PPP1R1C: variants seen among roughly 807,000 people sequenced by gnomAD.
PPP1R1C encodes protein phosphatase 1 regulatory inhibitor subunit 1C.
In PPP1R1C, 15 loss-of-function variants were observed where a neutral mutation model predicts 17.4. The observed-to-expected ratio is 0.86, with a 90% CI of 0.58 to 1.33. PPP1R1C has a LOEUF of 1.33. Ranked by LOEUF, PPP1R1C falls within the 40% of genes most tolerant of loss-of-function variation. The pLI is 0.00. For missense variants in PPP1R1C, 143 were observed against 130.0 expected (o/e 1.10, Z -0.48); for synonymous variants, 35 against 43.1 (o/e 0.81, Z 0.73).
rs780789594 is a variant in PPP1R1C at position 181,961,015 on chromosome 2, G to A, written n.111+6381G>A. The stretch of plus-strand genomic sequence containing the variant: ...TTTTGAGTGATTCTTGGAAGGTAAA[G>A]GGCAGATAAAATCACTTTGCTGGAG... On this transcript the variant is annotated intron_variant and non_coding_transcript_variant, in intron 1 of 5. Transcript: ENST00000464264. This position sits in a 1 kb window ranked among gnomAD's most constrained non-coding sequence, Gnocchi z 5.8. Among the ~76,000 whole-genome samples the A allele has an allele frequency of 6.6e-6, 1 of 152,134 alleles. No homozygotes were observed. The highest frequency in any genetic ancestry group is 1.5e-5 in the Non-Finnish European group (1 of 68,026).
At chr2:182,054,285 T>C (rs1687617543) in intron 2 of PPP1R1C, among the ~76,000 whole-genome samples, 1 of 152,196 alleles carries the variant, frequency 6.6e-6, no homozygotes, top group Non-Finnish European at 1.5e-5. Context: ...TATAGTACAA[T>C]AACAAAACCA....
chr2:181,999,718 A>G (rs1250370406), intron 2 of PPP1R1C, among the ~76,000 whole-genome samples: 1 of 151,406 alleles, frequency 6.6e-6, no homozygotes, highest in African/African-American at 2.4e-5. Context: ...TTTTGTATTT[A>G]TTAGTTAAGA....
intron 4 of PPP1R1C, among the ~76,000 whole-genome samples, chr2:182,116,121 GA>G (rs1343257069): frequency 1.3e-5 from 2 of 151,932 alleles, no homozygotes; most frequent in South Asian, 4.1e-4. Context: ...AAATAATTTT[GA>G]AAAAAATCTA....
chr2:182,128,763 T>G (rs1289354787), intron 5 of PPP1R1C, among the ~76,000 whole-genome samples: 2 of 152,112 alleles, frequency 1.3e-5, no homozygotes, highest in African/African-American at 4.8e-5. Flanking sequence ...TTTTGCTTGT[T>G]GTTTGTTTTT....
At chr2:182,026,528 G>A (rs1216229576) in intron 2 of PPP1R1C, among the ~76,000 whole-genome samples, 1 of 147,808 alleles carries the variant, frequency 6.8e-6, no homozygotes, top group East Asian at 2.1e-4. Flanking sequence ...GTAGATATGC[G>A]GCGTTATTTC....
chr2:182,110,825 G>GA (rs941283380), intron 4 of PPP1R1C, among the ~76,000 whole-genome samples: 2 of 152,186 alleles, frequency 1.3e-5, no homozygotes, highest in Non-Finnish European at 2.9e-5. Flanking sequence ...TTTCTAAAGT[G>GA]AAATTGCCTA....
chr2:182,113,537 G>A (rs958425193), intron 4 of PPP1R1C, among the ~76,000 whole-genome samples: 8 of 152,072 alleles, frequency 5.3e-5, no homozygotes, highest in East Asian at 1.9e-4. Context: ...TCCCTTTCTC[G>A]TACTGCCAAC....
intron 1 of PPP1R1C, among the ~76,000 whole-genome samples, chr2:181,971,684 T>C (rs1382678334): frequency 6.6e-6 from 1 of 152,158 alleles, no homozygotes; most frequent in Admixed American, 6.5e-5. Context: ...TTCAGGTTTA[T>C]TTAGGGCCCC....
intron 4 of PPP1R1C, among the ~76,000 whole-genome samples, chr2:182,077,222 CTGTT>C (rs1163613135): frequency 4.7e-5 from 7 of 149,672 alleles, no homozygotes; most frequent in Admixed American, 2.6e-4. Flanking sequence ...CTACATTAAA[CTGTT>C]TGTTTTAAAG....
At chr2:182,092,021 G>A (rs1688795779) in intron 4 of PPP1R1C, among the ~76,000 whole-genome samples, 1 of 152,178 alleles carries the variant, frequency 6.6e-6, no homozygotes, top group Admixed American at 6.5e-5. Context: ...AAAATGTAGG[G>A]ATGAGTCTGA....
intron 4 of PPP1R1C, among the ~76,000 whole-genome samples, chr2:182,098,502 A>C (rs1689009277): frequency 6.6e-6 from 1 of 152,188 alleles, no homozygotes; most frequent in African/African-American, 2.4e-5. Flanking sequence ...AATATCTAAA[A>C]TAAGTAAGAG....
chr2:181,989,498 T>A (rs1314990996), intron 2 of PPP1R1C, among the ~76,000 whole-genome samples: 1 of 152,178 alleles, frequency 6.6e-6, no homozygotes, highest in Admixed American at 6.5e-5. Flanking sequence ...CAGTTTGCAC[T>A]ACATGGTGAA....
At chr2:182,074,051 T>TTG in intron 4 of PPP1R1C, among the ~76,000 whole-genome samples, 1 of 150,836 alleles carries the variant, frequency 6.6e-6, no homozygotes, top group African/African-American at 2.4e-5. Context: ...CTTTTTTTTT[T>TTG]TTTTTTTTGA....
At chr2:182,039,154 A>G (rs921612730) in intron 2 of PPP1R1C, among the ~76,000 whole-genome samples, 3 of 152,228 alleles carry the variant, frequency 2.0e-5, no homozygotes, top group Non-Finnish European at 4.4e-5. Context: ...CTTCTTTTCT[A>G]TGGTTGCTGT....
Position 182,060,473 on chromosome 2 carries a change from A to G in PPP1R1C, c.143-969A>G, listed in dbSNP as rs1170016660. Among the ~76,000 whole-genome samples the G allele has an allele frequency of 2.0e-5, 3 of 152,248 alleles. No individual in the cohort carries two copies. The East Asian group carries it at 5.8e-4, about 29-fold the overall frequency. On this transcript the variant is annotated intron_variant, in intron 2 of 4. Transcript: ENST00000682840. The stretch of plus-strand genomic sequence containing the variant: ...GCAGTACAGATAGGGATAAAACAGA[A>G]TGTGTTATTCAATCACCCCAGGATA...
At chr2:182,083,337 G>GC (rs549946466) in intron 4 of PPP1R1C, among the ~76,000 whole-genome samples, 172 of 152,264 alleles carry the variant, frequency 1.1e-3, no homozygotes, top group Non-Finnish European at 1.9e-3. Flanking sequence ...CTGAAATTGT[G>GC]ATGCTGCCAT....
At chr2:182,091,972 A>G (rs1468823089) in intron 4 of PPP1R1C, among the ~76,000 whole-genome samples, 1 of 152,130 alleles carries the variant, frequency 6.6e-6, no homozygotes, top group Non-Finnish European at 1.5e-5. Flanking sequence ...CTCAATAATT[A>G]TGTGTTAAAT....
At chr2:181,985,716 G>T (rs1224720872), upstream of PPP1R1C, among the ~76,000 whole-genome samples, 1 of 152,134 alleles carries the variant, frequency 6.6e-6, no homozygotes, top group Admixed American at 6.6e-5. This position sits in a 1 kb window ranked among gnomAD's most constrained non-coding sequence, Gnocchi z 4.1. Context: ...TGAGCAGCCG[G>T]TTAGTAATGT....
intron 4 of PPP1R1C, among the ~76,000 whole-genome samples, chr2:182,116,647 C>A (rs948417709): frequency 6.6e-6 from 1 of 152,050 alleles, no homozygotes; most frequent in Non-Finnish European, 1.5e-5. Flanking sequence ...GTATAGCAGG[C>A]AAATGTATGC....
Sources: allele counts gnomAD v4.1 joint callset (sites outside exome capture counted in the v4.1 genomes callset), GRCh38; gene constraint gnomAD v4.1.1; non-coding constraint Gnocchi (gnomAD v3.1); transcripts MANE v1.5; gene names NCBI Gene and HGNC (gene_info 2026-07-23, HGNC 2026-07-21).